The following NIPAL2 variants were observed in gnomAD, a reference collection of about 807,000 sequenced individuals.
NIPAL2 encodes the protein NIPA like domain containing 2, also known as NIPA-like protein 2.
A neutral mutation model predicts 48.9 loss-of-function variants in NIPAL2; 43 were observed. That is an observed-to-expected ratio of 0.88 (90% CI 0.69 to 1.13). The LOEUF (loss-of-function observed/expected upper bound fraction) is 1.13, where lower values mean the gene tolerates loss of function less well. Ranked by LOEUF, NIPAL2 falls within the 50% of genes most tolerant of loss-of-function variation. NIPAL2 has a pLI of 0.00. For missense variants in NIPAL2, 446 were observed against 461.4 expected, an observed-to-expected ratio of 0.97 and a Z score of 0.31; for synonymous variants, 167 against 174.6, an observed-to-expected ratio of 0.96 and a Z score of 0.34.
chr8:98,245,669 T>C (rs930980778), intron 3 of NIPAL2, among the ~76,000 whole-genome samples: 2 of 152,256 alleles, frequency 1.3e-5, no homozygotes, highest in Non-Finnish European at 2.9e-5. Context: ...AATTCTGTAT[T>C]ACAAATTTAA....
intron 4 of NIPAL2, among the ~76,000 whole-genome samples, chr8:98,222,915 C>A (rs767250760): frequency 2.0e-5 from 3 of 152,164 alleles, no homozygotes; most frequent in African/African-American, 7.2e-5. Flanking sequence ...GCTACGAAGA[C>A]GTGAAAACAC....
chr8:98,293,157 T>A (rs1816582400), intron 1 of NIPAL2, among the ~76,000 whole-genome samples: 1 of 152,248 alleles, frequency 6.6e-6, no homozygotes, highest in African/African-American at 2.4e-5. Flanking sequence ...AAATATTTTC[T>A]GATTATATTG....
intron 3 of NIPAL2, among the ~76,000 whole-genome samples, chr8:98,247,300 C>T (rs1412463498): frequency 2.0e-5 from 3 of 152,154 alleles, no homozygotes; most frequent in Non-Finnish European, 4.4e-5. Context: ...GTGATTTCCC[C>T]GTGCTGTGCT....
rs184946699 is a variant in NIPAL2, at chr8:98,257,328, T to C, written c.136-3241A>G. On this transcript the variant is annotated intron_variant, in intron 1 of 10. Coordinates refer to ENST00000430223, the MANE Select transcript of NIPAL2 (RefSeq NM_001321635.2). ...AAGGAATCAAAGTATTTTACCCCTATATATTTTTTTCTTTCTTTCTTTTTT... is the reference window on the plus strand; with the variant it reads ...AAGGAATCAAAGTATTTTACCCCTACATATTTTTTTCTTTCTTTCTTTTTT... Among the ~76,000 whole-genome samples the C allele has an allele frequency of 2.8e-3, 413 of 149,454 alleles. 7 individuals carry two copies. Among genetic ancestry groups the C allele is most frequent in the Admixed American group, 0.019 (277 of 14,898 alleles).
chr8:98,204,341 A>G (rs899251843), intron 7 of NIPAL2, among the ~76,000 whole-genome samples: 13 of 152,208 alleles, frequency 8.5e-5, no homozygotes, highest in African/African-American at 3.1e-4. Flanking sequence ...GGTATTTCTC[A>G]CACCTACAGA....
intron 4 of NIPAL2, among the ~76,000 whole-genome samples, chr8:98,235,617 T>C (rs917933497): frequency 6.6e-6 from 1 of 151,838 alleles, no homozygotes; most frequent in African/African-American, 2.4e-5. Context: ...AATTTTATGG[T>C]GTTCATAAAA....
At chr8:98,193,119 T>C in intron 10 of NIPAL2, 29 bp from the exon 11 acceptor site, 1 of 1,539,576 alleles carries the variant, frequency 6.5e-7, no homozygotes, top group Non-Finnish European at 9.0e-7. Context: ...TAGAGAATCT[T>C]TTGAGGTCTT....
intron 1 of NIPAL2, among the ~76,000 whole-genome samples, chr8:98,266,446 T>TA (rs535353621): frequency 7.1e-4 from 103 of 145,952 alleles, no homozygotes; most frequent in African/African-American, 2.5e-3. Flanking sequence ...TACTAAAATA[T>TA]AAAAAATTAG....
At chr8:98,220,547 T>C (rs1437887032) in intron 5 of NIPAL2, among the ~76,000 whole-genome samples, 1 of 152,070 alleles carries the variant, frequency 6.6e-6, no homozygotes, top group Non-Finnish European at 1.5e-5. Flanking sequence ...TAGCTGGGAC[T>C]GCAGGTGCAT....
Position 98,286,660 on chromosome 8 carries a change from T to C in NIPAL2, c.135+7343A>G, listed in dbSNP as rs576180391. ...CCTGTCTCTACTAAAAATACAAAAA[T>C]TATCTGGGCGTGGTGGTACACGCCT... On this transcript the variant is annotated intron_variant, in intron 1 of 10. Coordinates refer to ENST00000430223, the MANE Select transcript of NIPAL2 (RefSeq NM_001321635.2). 2.6e-5 allele frequency among the ~76,000 whole-genome samples: 4 copies of C among 151,314 alleles called. No individual in the cohort carries two copies. The South Asian group carries it at 8.3e-4, about 32-fold the overall frequency.
chr8:98,261,259 C>T (rs370744457), intron 1 of NIPAL2, among the ~76,000 whole-genome samples: 15 of 149,604 alleles, frequency 1.0e-4, no homozygotes, highest in South Asian at 2.2e-4. Flanking sequence ...TCACCAGCAA[C>T]GGAACAAAGC....
At chr8:98,222,054 A>T (rs1259487024) in intron 5 of NIPAL2, among the ~76,000 whole-genome samples, 2 of 152,210 alleles carry the variant, frequency 1.3e-5, no homozygotes, top group East Asian at 3.9e-4. Context: ...TCAATGATAG[A>T]TTGGATAAAG....
In NIPAL2 at chr8:98,260,521, G is replaced by A. The variant is rs1263025017; in HGVS notation, c.136-6434C>T. On this transcript the variant is annotated intron_variant, in intron 1 of 10. Transcript: ENST00000430223. ...CGAGTCAAAGAAAGGGGTGACGGAC[G>A]GCACCTGGAAAATCGGGTCACTCCA... is the stretch of plus-strand genomic sequence containing the variant. Among the ~76,000 whole-genome samples the A allele has an allele frequency of 6.6e-5, 10 of 152,242 alleles. No homozygotes were observed. In the East Asian group the frequency reaches 1.2e-3, roughly 18 times the overall value.
At position 98,256,408 on chromosome 8, in the gene NIPAL2, A is replaced by G. The variant is rs577482296; in HGVS notation, c.136-2321T>C. ...ATGAGAGAAAATATTTGCAAATCAT[A>G]TATCTGGATTGAGATCCAGAATATT... is the stretch of plus-strand genomic sequence containing the variant. On this transcript the variant is annotated intron_variant, in intron 1 of 10. Transcript: ENST00000430223. Among the ~76,000 whole-genome samples the G allele has an allele frequency of 2.7e-3, 412 of 152,326 alleles. 4 individuals are homozygous for G. Among genetic ancestry groups the G allele is most frequent in the African/African-American group, 7.3e-3 (302 of 41,570 alleles).
intron 10 of NIPAL2, chr8:98,193,443 C>T: frequency 6.2e-7 from 1 of 1,612,906 alleles, no homozygotes; most frequent in Non-Finnish European, 8.5e-7. Flanking sequence ...CATATAACAA[C>T]ATAGAAAAAT....
At chr8:98,245,708 C>G (rs748393320) in intron 3 of NIPAL2, among the ~76,000 whole-genome samples, 6 of 152,176 alleles carry the variant, frequency 3.9e-5, no homozygotes, top group South Asian at 2.1e-4. Context: ...TTAGCAGCCT[C>G]TCTAGAAATA....
At chr8:98,203,383 C>T (rs76543524) in intron 7 of NIPAL2, among the ~76,000 whole-genome samples, 187 bp from the exon 8 acceptor site, 4,253 of 152,194 alleles carry the variant, frequency 0.028, 188 homozygotes, top group African/African-American at 0.095. Flanking sequence ...ATGTCAGGTT[C>T]TATGGTCTGT....
At chr8:98,267,834 T>C (rs1035071818) in intron 1 of NIPAL2, among the ~76,000 whole-genome samples, 4 of 152,184 alleles carry the variant, frequency 2.6e-5, no homozygotes, top group Non-Finnish European at 5.9e-5. Flanking sequence ...GAATTAACTT[T>C]GAAGTTTGTT....
At chr8:98,200,753 G>A (rs1388636721) in intron 8 of NIPAL2, among the ~76,000 whole-genome samples, 1 of 152,118 alleles carries the variant, frequency 6.6e-6, no homozygotes, top group Admixed American at 6.5e-5. Context: ...GTGTACAAAA[G>A]TTCCAGTTGA....
Sources: allele counts gnomAD v4.1 joint callset (sites outside exome capture counted in the v4.1 genomes callset), GRCh38; gene constraint gnomAD v4.1.1; transcripts MANE v1.5; gene names NCBI Gene and HGNC (gene_info 2026-07-23, HGNC 2026-07-21).